CDH26: variants seen among roughly 807,000 people sequenced by gnomAD.
The protein encoded by CDH26 is cadherin 26.
In CDH26, 83 loss-of-function variants were observed where a neutral mutation model predicts 90.3. The ratio of observed to expected loss-of-function variants is 0.92; its 90% CI spans 0.77 to 1.10. CDH26 has a LOEUF of 1.10. CDH26 is among the 50% of genes least tolerant of loss of function. The pLI is 0.00. For missense variants in CDH26, 1,013 were observed against 1,037.6 expected, an observed-to-expected ratio of 0.98 and a Z score of 0.33; for synonymous variants, 397 against 396.3, an observed-to-expected ratio of 1.00 and a Z score of -0.02.
intron 4 of CDH26, among the ~76,000 whole-genome samples, chr20:59,977,544 A>T (rs2061341488): frequency 6.7e-6 from 1 of 150,224 alleles, no homozygotes; most frequent in Admixed American, 6.7e-5. Context: ...ATATTTTATT[A>T]ATATATATAT....
At position 59,984,764 on chromosome 20, in the gene CDH26, C is replaced by T. The variant is rs749936794; in HGVS notation, c.667C>T (p.Leu223Phe). ...AGAAAGTGGTTTCCGGGTTGATCGC[C>T]TTAGTGGAGAAATACGACTCTCTGG... ...LKESGFRVDR[L>F]SGEIRLSGCL... Residue 223 changes from leucine to phenylalanine, a missense_variant, in exon 6 of 18, where the codon CTT (leucine) becomes TTT (phenylalanine). Transcript: ENST00000348616. The T allele has an allele frequency of 6.2e-7, 1 of 1,613,276 alleles. No homozygotes were observed. The highest frequency in any genetic ancestry group is 8.5e-7 in the Non-Finnish European group (1 of 1,179,758).
At chr20:60,026,027 G>A (rs1463165183) in intron 7 of CDH26, among the ~76,000 whole-genome samples, 1 of 152,168 alleles carries the variant, frequency 6.6e-6, no homozygotes, top group East Asian at 1.9e-4. Flanking sequence ...AGAGCCCAGA[G>A]CCAGGCACCA....
rs544773408 is a variant in CDH26 at position 59,968,705 on chromosome 20, A to G, written c.70-262A>G. 2.6e-4 allele frequency among the ~76,000 whole-genome samples: 39 copies of G among 152,346 alleles called. No individual in the cohort carries two copies. In the South Asian group the frequency reaches 4.1e-3, roughly 16 times the overall value. On this transcript the variant is annotated intron_variant, in intron 1 of 17. Coordinates refer to ENST00000348616, the MANE Select transcript of CDH26 (RefSeq NM_177980.4). ...TCTACTTCCTGCTTTGTTAACTAAC[A>G]GTAGTATTTTATGATTTTAAACGTC... is the stretch of plus-strand genomic sequence containing the variant.
chr20:59,994,409 C>G lies in CDH26; in HGVS notation c.1586C>G (p.Pro529Arg), dbSNP rs1277718478. The G allele has an allele frequency of 2.5e-6, 4 of 1,614,108 alleles. No individual in the cohort carries two copies. In the East Asian group the frequency reaches 6.7e-5, roughly 27 times the overall value. The change falls in exon 11 of 18, where the codon CCG (proline) becomes CGG (arginine). Residue 529 changes from proline to arginine, a missense_variant. Coordinates refer to ENST00000348616, the MANE Select transcript of CDH26 (RefSeq NM_177980.4). ...GAGGCAGAGGATCCGGACCTGGAGCCGTTCTCTGACCCATTTACATTTGAA... is the reference window on the plus strand; with the variant it reads ...GAGGCAGAGGATCCGGACCTGGAGCGGTTCTCTGACCCATTTACATTTGAA... The part of the protein sequence containing the change: ...HIEAEDPDLE[P>R]FSDPFTFELD...
intron 4 of CDH26, among the ~76,000 whole-genome samples, chr20:59,976,311 C>A (rs2061327720): frequency 6.6e-6 from 1 of 152,176 alleles, no homozygotes; most frequent in African/African-American, 2.4e-5. Context: ...TTTCCAAGTG[C>A]AGAAAATGTC....
intron 8 of CDH26, chr20:60,033,353 A>C: frequency 2.6e-6 from 3 of 1,175,704 alleles, no homozygotes; most frequent in Non-Finnish European, 3.3e-6. Flanking sequence ...TCCTTCGTGT[A>C]CACAGGCTGC....
intron 17 of CDH26, among the ~76,000 whole-genome samples, chr20:60,008,148 G>C (rs1179396076): frequency 6.6e-6 from 1 of 152,148 alleles, no homozygotes; most frequent in African/African-American, 2.4e-5. Context: ...GGGAACTCAG[G>C]CCTATGGAAT....
At chr20:60,010,693 A>C (rs141063317) in intron 17 of CDH26, among the ~76,000 whole-genome samples, 40 of 152,300 alleles carry the variant, frequency 2.6e-4, no homozygotes, top group African/African-American at 9.4e-4. Flanking sequence ...GTTTGTGCAG[A>C]GGGTGGACCT....
At chr20:60,020,754 G>T (rs2061945729) in intron 7 of CDH26, among the ~76,000 whole-genome samples, 3 of 151,994 alleles carry the variant, frequency 2.0e-5, no homozygotes, top group African/African-American at 7.3e-5. Context: ...CAATGTGGGG[G>T]GTAAGCACCT....
At chr20:59,966,735 G>C (rs1451687110) in intron 1 of CDH26, among the ~76,000 whole-genome samples, 2 of 152,168 alleles carry the variant, frequency 1.3e-5, no homozygotes, top group East Asian at 1.9e-4. Flanking sequence ...CTCTCTTACA[G>C]GGCTGTGGAA....
At position 60,031,390 on chromosome 20, in the gene CDH26, C is replaced by A. The variant is rs985841909; in HGVS notation, c.1108C>A (p.Pro370Thr). 9.8e-6 allele frequency: 12 copies of A among 1,228,110 alleles called. No homozygotes were observed. The African/African-American group carries it at 1.8e-4, about 18-fold the overall frequency. 76.1% of individuals were successfully genotyped at this position (1,228,110 alleles called of 1,614,324 possible). ...GAAACACGGGGCTTTGGCTCGAACACCCTCTTTCAAGAAAGTTGTTTATGA... is the reference window on the plus strand; with the variant it reads ...GAAACACGGGGCTTTGGCTCGAACAACCTCTTTCAAGAAAGTTGTTTATGA... Residue 370 changes from proline to threonine, a missense_variant, in exon 8 of 9, where the codon CCC becomes ACC. Coordinates refer to the CDH26 transcript ENST00000370991.
At chr20:60,033,679 A>G (rs1163748461) in exon 9 of CDH26, 2 of 1,303,898 alleles carry the variant, frequency 1.5e-6, no homozygotes, top group Non-Finnish European at 2.0e-6. Flanking sequence ...CAGGCTGAGC[A>G]GAGAGTACGG....
chr20:59,999,611 G>A lies in CDH26; in HGVS notation c.2045G>A (p.Arg682Lys), dbSNP rs1172605454. 5 of 1,614,036 alleles carry A rather than the reference G, an allele frequency of 3.1e-6. No individual in the cohort carries two copies. Among genetic ancestry groups the A allele is most frequent in the South Asian group, 2.2e-5 (2 of 91,082 alleles). ...ACATGGTCAGATGTTGAAGGCCAGAGGCCGGCTCTGCTCATCTGCACAGCT... is the reference window on the plus strand; with the variant it reads ...ACATGGTCAGATGTTGAAGGCCAGAAGCCGGCTCTGCTCATCTGCACAGCT... ...AQTWSDVEGQ[R>K]PALLICTAAA... Residue 682 changes from arginine (R) to lysine (K), a missense_variant, in exon 14 of 18, where the codon AGG becomes AAG. Physicochemically the swap from Arg to Lys is conservative, Grantham distance 26 (BLOSUM62 2). Coordinates refer to ENST00000348616, the MANE Select transcript of CDH26 (RefSeq NM_177980.4).
intron 9 of CDH26, among the ~76,000 whole-genome samples, chr20:59,989,913 G>A (rs1226159464): frequency 2.6e-5 from 4 of 152,090 alleles, no homozygotes; most frequent in South Asian, 2.1e-4. Context: ...GTAAGGGTAC[G>A]GGTCAGTGGC....
downstream of CDH26, among the ~76,000 whole-genome samples, chr20:60,017,531 T>C (rs946861749): frequency 6.6e-6 from 1 of 152,088 alleles, no homozygotes; most frequent in Non-Finnish European, 1.5e-5. Context: ...TTTGTTGATT[T>C]CATTTATTTT....
At chr20:60,005,491 T>TGTAA (rs1179569636) in intron 16 of CDH26, among the ~76,000 whole-genome samples, 88 of 151,516 alleles carry the variant, frequency 5.8e-4, no homozygotes, top group African/African-American at 2.1e-3. Context: ...TATGTATGTA[T>TGTAA]GTATGTATGT....
At chr20:59,968,245 G>A (rs969990932) in intron 1 of CDH26, among the ~76,000 whole-genome samples, 14 of 151,620 alleles carry the variant, frequency 9.2e-5, no homozygotes, top group Admixed American at 2.6e-4. Context: ...TTACAGGCGC[G>A]TGCCACCATG....
intron 16 of CDH26, among the ~76,000 whole-genome samples, chr20:60,005,876 C>G (rs1476941881): frequency 6.6e-6 from 1 of 152,160 alleles, no homozygotes; most frequent in Non-Finnish European, 1.5e-5. Flanking sequence ...AGCCTCCCCC[C>G]ACCTCCCTAA....
intron 1 of CDH26, among the ~76,000 whole-genome samples, chr20:59,961,622 A>G (rs539254239): frequency 6.6e-6 from 1 of 152,238 alleles, no homozygotes; most frequent in East Asian, 1.9e-4. Context: ...ACAAGCTGAT[A>G]CCATTTCTGC....
Sources: gnomAD v4.1 joint callset for allele counts (sites outside exome capture counted in the v4.1 genomes callset) on GRCh38, gnomAD v4.1.1 for gene constraint, MANE v1.5 for transcripts, NCBI Gene and HGNC (gene_info 2026-07-23, HGNC 2026-07-21) for gene names.